CHLSN: variants seen among roughly 807,000 people sequenced by gnomAD.
CHLSN encodes cholesin, also known as protein cholesin.
the CHLSN span, among the ~76,000 whole-genome samples, chr7:1,015,727 G>A: frequency 0.17 from 26,058 of 152,174 alleles, 3,495 homozygotes; most frequent in African/African-American, 0.38. Context: ...TGCGGCCTGT[G>A]GGCCCCTAAT....
the CHLSN span, among the ~76,000 whole-genome samples, chr7:1,127,818 CGGGCTGG>C: frequency 3.8e-5 from 3 of 79,310 alleles, no homozygotes; most frequent in East Asian, 7.8e-4. Context: ...CACCGTCACC[CGGGCTGG>C]AGTGCAGTGG....
the CHLSN span, chr7:1,043,416 T>G: frequency 6.6e-6 from 1 of 152,258 alleles, no homozygotes; most frequent in East Asian, 1.9e-4. Flanking sequence ...AATCGTGTCT[T>G]AGGTTTGATG....
the CHLSN span, among the ~76,000 whole-genome samples, chr7:1,123,655 C>T: frequency 2.6e-5 from 4 of 151,906 alleles, no homozygotes; most frequent in Non-Finnish European, 5.9e-5. This position sits in a 1 kb window ranked among gnomAD's most constrained non-coding sequence, Gnocchi z 4.4. Flanking sequence ...AAGGAAATAT[C>T]CATATTAGCA....
chr7:1,101,706 G>A, the CHLSN span, among the ~76,000 whole-genome samples: 1 of 152,212 alleles, frequency 6.6e-6, no homozygotes, highest in Non-Finnish European at 1.5e-5. Flanking sequence ...CACTCAGCAC[G>A]GCCACGGCAG....
At chr7:1,101,700 C>A in the CHLSN span, among the ~76,000 whole-genome samples, 5,146 of 152,332 alleles carry the variant, frequency 0.034, 284 homozygotes, top group African/African-American at 0.12. Context: ...AGGGCCCACT[C>A]AGCACGGCCA....
At chr7:1,057,590 G>A in the CHLSN span, 2 of 771,746 alleles carry the variant, frequency 2.6e-6, no homozygotes, top group Non-Finnish European at 2.4e-6. Context: ...TGCAGCTGGG[G>A]CTGTCACTGT....
chr7:1,052,534 G>T, the CHLSN span, among the ~76,000 whole-genome samples: 2 of 152,152 alleles, frequency 1.3e-5, no homozygotes, highest in Non-Finnish European at 2.9e-5. This position sits in a 1 kb window ranked among gnomAD's most constrained non-coding sequence, Gnocchi z 4.2. Context: ...CGGAAGAAGT[G>T]GGGGAGCCAG....
At chr7:1,000,631 G>T in the CHLSN span, 1 of 1,198,942 alleles carries the variant, frequency 8.3e-7, no homozygotes, top group Non-Finnish European at 1.2e-6. Context: ...GATCGGGGAC[G>T]CCTCATCTTA....
At chr7:1,137,876 CAATG>C in the CHLSN span, 1 of 152,254 alleles carries the variant, frequency 6.6e-6, no homozygotes, top group African/African-American at 2.4e-5. Flanking sequence ...CAGAGAAAGA[CAATG>C]AAACCAGAGC....
the CHLSN span, among the ~76,000 whole-genome samples, chr7:1,117,498 GACATCC>G: frequency 7.9e-6 from 1 of 125,852 alleles, no homozygotes; most frequent in Non-Finnish European, 1.6e-5. Flanking sequence ...TTCCATCACC[GACATCC>G]ACGCAGGATG....
At chr7:1,093,370 A>G in the CHLSN span, 1 of 432,952 alleles carries the variant, frequency 2.3e-6, no homozygotes. Flanking sequence ...TGAGCTAGCT[A>G]GCGCACCGCC....
the CHLSN span, among the ~76,000 whole-genome samples, chr7:1,049,047 G>A: frequency 6.6e-6 from 1 of 152,256 alleles, no homozygotes; most frequent in Non-Finnish European, 1.5e-5. Context: ...TCCGCTGTCT[G>A]AGCGTGCGCT....
chr7:1,097,562 G>GA, the CHLSN span, among the ~76,000 whole-genome samples: 8 of 152,202 alleles, frequency 5.3e-5, no homozygotes, highest in African/African-American at 1.9e-4. This position sits in a 1 kb window ranked among gnomAD's most constrained non-coding sequence, Gnocchi z 4.3. Context: ...AAAGTAGTTG[G>GA]AAAAGCATCA....
the CHLSN span, among the ~76,000 whole-genome samples, chr7:1,065,799 T>C: frequency 4.6e-5 from 7 of 152,166 alleles, no homozygotes; most frequent in Admixed American, 1.3e-4. Context: ...CAGCATCTCA[T>C]GGGAAAGGGA....
chr7:1,031,998 G>A, the CHLSN span, among the ~76,000 whole-genome samples: 2 of 152,236 alleles, frequency 1.3e-5, no homozygotes, highest in African/African-American at 2.4e-5. Flanking sequence ...ATGAGAATTC[G>A]CCTTCGAAAC....
At chr7:1,036,688 C>CAGGCT in the CHLSN span, among the ~76,000 whole-genome samples, 1 of 149,228 alleles carries the variant, frequency 6.7e-6, no homozygotes, top group African/African-American at 2.4e-5. Context: ...AAAAAAAATC[C>CAGGCT]GATAGGGGAA....
the CHLSN span, among the ~76,000 whole-genome samples, chr7:1,100,178 T>A: frequency 0.034 from 5,151 of 152,290 alleles, 284 homozygotes; most frequent in African/African-American, 0.12. Flanking sequence ...CGTTCTCCTG[T>A]CCAGCCGGCC....
At chr7:1,055,229 C>T in the CHLSN span, 2 of 470,890 alleles carry the variant, frequency 4.2e-6, no homozygotes, top group East Asian at 6.9e-5. Flanking sequence ...GAGGGAGGGG[C>T]GGTGGCGCCT....
At chr7:1,015,297 G>A in the CHLSN span, among the ~76,000 whole-genome samples, 2,154 of 151,734 alleles carry the variant, frequency 0.014, 109 homozygotes, top group East Asian at 0.19. Context: ...CCCGTCCCCC[G>A]GGCATGAGAG....
Sources: gnomAD v4.1 joint callset for allele counts (sites outside exome capture counted in the v4.1 genomes callset) on GRCh38, gnomAD v4.1.1 for gene constraint, Gnocchi (gnomAD v3.1) non-coding constraint, MANE v1.5 for transcripts, NCBI Gene and HGNC (gene_info 2026-07-23, HGNC 2026-07-21) for gene names.